Variants in TGFA observed in about 807,000 individuals in gnomAD.
TGFA encodes the protein transforming growth factor alpha.
TGFA carries 12 observed loss-of-function variants against 21.7 expected under a neutral mutation model. The observed-to-expected ratio is 0.55, with a 90% CI of 0.35 to 0.90. The LOEUF (loss-of-function observed/expected upper bound fraction) is 0.90, where lower values mean the gene tolerates loss of function less well. Among genes scored for constraint, TGFA ranks in the 40% least tolerant of loss-of-function variants. The pLI is 0.01. For synonymous variants in TGFA, 79 were observed against 88.1 expected (o/e 0.90, Z 0.58); for missense variants, 178 against 210.8 (o/e 0.84, Z 0.96).
chr2:70,532,107 T>C (rs1672828173), intron 1 of TGFA, among the ~76,000 whole-genome samples: 1 of 152,310 alleles, frequency 6.6e-6, no homozygotes, highest in African/African-American at 2.4e-5. Flanking sequence ...TTAAAGCAAA[T>C]GGTTTTTATA....
At chr2:70,499,726 C>T (rs1671681906) in intron 2 of TGFA, among the ~76,000 whole-genome samples, 1 of 152,138 alleles carries the variant, frequency 6.6e-6, no homozygotes, top group South Asian at 2.1e-4. Context: ...CATCCGTATG[C>T]AGAGCATTTT....
chr2:70,470,046 C>T (rs1350379471), intron 2 of TGFA, among the ~76,000 whole-genome samples: 3 of 150,148 alleles, frequency 2.0e-5, no homozygotes, highest in East Asian at 1.9e-4. Context: ...GGAGAAACAG[C>T]GAGAAGGAGA....
chr2:70,487,775 C>T (rs1553496922), intron 2 of TGFA, among the ~76,000 whole-genome samples: 3 of 152,194 alleles, frequency 2.0e-5, no homozygotes, highest in South Asian at 2.1e-4. Flanking sequence ...TATTATGAAA[C>T]ATTATATGAA....
chr2:70,514,110 A>G (rs1672188423), intron 2 of TGFA, among the ~76,000 whole-genome samples: 1 of 152,240 alleles, frequency 6.6e-6, no homozygotes, highest in Non-Finnish European at 1.5e-5. Context: ...ATGTTTCATT[A>G]AATCACCCAT....
At chr2:70,502,972 G>A (rs1290251379) in intron 2 of TGFA, among the ~76,000 whole-genome samples, 7 of 152,158 alleles carry the variant, frequency 4.6e-5, no homozygotes, top group Non-Finnish European at 8.8e-5. Context: ...GCACAGAGTG[G>A]TTAAGAAACG....
intron 3 of TGFA, among the ~76,000 whole-genome samples, chr2:70,464,881 C>G (rs1457736916): frequency 1.3e-5 from 2 of 152,180 alleles, no homozygotes; most frequent in Non-Finnish European, 2.9e-5. Context: ...CTCTACTCCC[C>G]CTAACTGGTC....
chr2:70,487,788 C>T (rs781902881), intron 2 of TGFA, among the ~76,000 whole-genome samples: 4 of 152,136 alleles, frequency 2.6e-5, no homozygotes, highest in African/African-American at 4.8e-5. Context: ...TATATGAAAC[C>T]GAATATCCTT....
intron 2 of TGFA, among the ~76,000 whole-genome samples, chr2:70,505,142 T>C (rs1258162775): frequency 2.6e-5 from 4 of 152,256 alleles, no homozygotes; most frequent in African/African-American, 9.6e-5. Flanking sequence ...AAAGTGTCAC[T>C]GAGTTCTCAT....
At chr2:70,509,044 C>T (rs1410865773) in intron 2 of TGFA, among the ~76,000 whole-genome samples, 15 of 152,222 alleles carry the variant, frequency 9.9e-5, no homozygotes, top group Admixed American at 6.5e-5. Context: ...CCCTCATTCC[C>T]TCCTAATGCT....
intron 2 of TGFA, among the ~76,000 whole-genome samples, chr2:70,506,233 A>G (rs1671922358): frequency 6.6e-6 from 1 of 152,220 alleles, no homozygotes; most frequent in African/African-American, 2.4e-5. Context: ...CTAGAAAGTC[A>G]GTCCTGGGTC....
intron 2 of TGFA, among the ~76,000 whole-genome samples, chr2:70,495,126 A>G (rs1465753302): frequency 6.6e-6 from 1 of 152,172 alleles, no homozygotes; most frequent in Admixed American, 6.5e-5. Context: ...ACGTTTTTAG[A>G]TCTAGATTCT....
At chr2:70,534,703 T>TATG (rs2067371) in intron 1 of TGFA, among the ~76,000 whole-genome samples, 46,626 of 151,984 alleles carry the variant, frequency 0.31, 8,410 homozygotes, top group African/African-American at 0.51. Context: ...CTTGTTTTTT[T>TATG]ATATTTCCTA....
rs1670527917 is a variant in TGFA, at chr2:70,465,482, T to C, written c.215+134A>G. Reference sequence around the variant, plus strand: ...TGAAAAAGGTGTCCCTCAGCCCCACTGTTCCAATCCTCTGACACATCTGGC... The same window carrying C: ...TGAAAAAGGTGTCCCTCAGCCCCACCGTTCCAATCCTCTGACACATCTGGC... On this transcript the variant is annotated intron_variant, in intron 3 of 5. Transcript: ENST00000295400. 4.2e-6 allele frequency: 5 copies of C among 1,182,058 alleles called. No homozygotes were observed. In the East Asian group the frequency reaches 1.3e-4, roughly 30 times the overall value. 73.2% of individuals were successfully genotyped at this position (1,182,058 alleles called of 1,614,324 possible). A position where few individuals can be genotyped will look rare whatever the true frequency, so the allele number is the denominator to read the frequency against.
intron 2 of TGFA, among the ~76,000 whole-genome samples, chr2:70,472,026 A>C (rs1553493397): frequency 6.7e-6 from 1 of 150,214 alleles, no homozygotes; most frequent in Non-Finnish European, 1.5e-5. Flanking sequence ...TTTTTTCTCT[A>C]TCTCCCTTCA....
intron 1 of TGFA, among the ~76,000 whole-genome samples, chr2:70,551,322 C>A (rs1019983716): frequency 6.6e-6 from 1 of 152,154 alleles, no homozygotes; most frequent in Non-Finnish European, 1.5e-5. Flanking sequence ...GGGAGGGCAG[C>A]CACCACAGGA....
At chr2:70,505,047 C>T (rs782211657) in intron 2 of TGFA, among the ~76,000 whole-genome samples, 1 of 152,092 alleles carries the variant, frequency 6.6e-6, no homozygotes, top group South Asian at 2.1e-4. Context: ...TGGAGCAGCA[C>T]CCAGCATATA....
At chr2:70,493,675 C>T (rs1671498111) in intron 2 of TGFA, among the ~76,000 whole-genome samples, 1 of 152,194 alleles carries the variant, frequency 6.6e-6, no homozygotes, top group African/African-American at 2.4e-5. Context: ...TCGGCAGCCT[C>T]ACCCATACTT....
intron 1 of TGFA, among the ~76,000 whole-genome samples, chr2:70,521,632 T>TTTTTTTTTTTTTTTTTTTG (rs1672474367): frequency 7.1e-6 from 1 of 141,290 alleles, no homozygotes; most frequent in African/African-American, 2.6e-5. Context: ...TTTTTTTTTT[T>TTTTTTTTTTTTTTTTTTTG]TTTTTTGAGT....
intron 1 of TGFA, among the ~76,000 whole-genome samples, chr2:70,538,453 G>A (rs1450595168): frequency 1.3e-5 from 2 of 152,208 alleles, no homozygotes; most frequent in Non-Finnish European, 2.9e-5. Flanking sequence ...CATTCTAGAT[G>A]ACATTAAGAA....
Sources: gnomAD v4.1 joint callset for allele counts (sites outside exome capture counted in the v4.1 genomes callset) on GRCh38, gnomAD v4.1.1 for gene constraint, MANE v1.5 for transcripts, NCBI Gene and HGNC (gene_info 2026-07-23, HGNC 2026-07-21) for gene names.